Variants in LHX8 observed in about 807,000 individuals in gnomAD.
LHX8 encodes the protein LIM homeobox 8, also known as LIM/homeobox protein Lhx8.
A neutral mutation model predicts 40.3 loss-of-function variants in LHX8; 12 were observed. That is an observed-to-expected ratio of 0.30 (90% CI 0.19 to 0.48). The LOEUF (loss-of-function observed/expected upper bound fraction) is 0.48, where lower values mean the gene tolerates loss of function less well. LHX8 is among the 20% of genes least tolerant of loss of function. LHX8 has a pLI of 0.99. For missense variants in LHX8, 344 were observed against 433.7 expected (o/e 0.79, Z 1.84); for synonymous variants, 179 against 162.0 (o/e 1.10, Z -0.80).
At chr1:75,189,979 A>G in the LHX8 span, among the ~76,000 whole-genome samples, 1 of 152,196 alleles carries the variant, frequency 6.6e-6, no homozygotes, top group Non-Finnish European at 1.5e-5. Context: ...CCTCGTCAAA[A>G]TAAGGATAAA....
In LHX8 at chr1:75,143,288, G is replaced by A. The variant is rs754988725; in HGVS notation, c.530G>A (p.Arg177Lys). 2 of 1,613,766 alleles carry A rather than the reference G, an allele frequency of 1.2e-6. No individual in the cohort carries two copies. Among genetic ancestry groups the A allele is most frequent in the East Asian group, 2.2e-5 (1 of 44,872 alleles). ...FALVEEKVLC[R>K]VHYDCMLDNL... is the part of the protein sequence containing the mutation. ...TTGGTGGAAGAGAAAGTCCTCTGCA[G>A]AGTACATTATGACTGCATGCTGGAT... Residue 177 changes from arginine to lysine, a missense_variant, in exon 5 of 9, where the codon AGA becomes AAA. Physicochemically the swap from Arg to Lys is conservative, Grantham distance 26 (BLOSUM62 2). This residue lies in a region of LHX8 where 147 missense variants were observed against 250.8 expected (regional missense o/e 0.59). Coordinates refer to ENST00000356261, the MANE Select transcript of LHX8 (RefSeq NM_001256114.2).
intron 5 of LHX8, 77 bp from the exon 6 acceptor site, chr1:75,143,768 A>T: frequency 9.1e-7 from 1 of 1,093,732 alleles, no homozygotes; most frequent in Non-Finnish European, 1.4e-6. Context: ...AAGCCAAGAG[A>T]TATAAGAAAC....
At chr1:75,198,079 A>C in the LHX8 span, among the ~76,000 whole-genome samples, 1 of 152,214 alleles carries the variant, frequency 6.6e-6, no homozygotes, top group Non-Finnish European at 1.5e-5. Flanking sequence ...AGCATGAGAC[A>C]GGTGAGCTGA....
chr1:75,130,685 C>G (rs200867886), upstream of LHX8: 44 of 1,611,122 alleles, frequency 2.7e-5, no homozygotes, highest in Admixed American at 4.0e-4. Flanking sequence ...AAGGTGAGCC[C>G]GTATACAGCT....
In LHX8 at chr1:75,146,833, ATTACT is replaced by A. The variant is rs1648471971; in HGVS notation, c.685-1752_685-1748del. Among the ~76,000 whole-genome samples the A allele has an allele frequency of 2.6e-5, 4 of 152,164 alleles. No individual in the cohort carries two copies. The South Asian group carries it at 8.3e-4, about 31-fold the overall frequency. On this transcript the variant is annotated intron_variant, in intron 6 of 8. Transcript: ENST00000356261. ...GTTTTGCTTTACTCTTTAATGAGAA[ATTACT>A]TAACTAAATACAATTTGATTGCAGT... is the stretch of plus-strand genomic sequence containing the variant.
intron 8 of LHX8, chr1:75,160,581 G>A (rs1648890792): frequency 1.8e-6 from 1 of 541,676 alleles, no homozygotes; most frequent in South Asian, 2.1e-5. Context: ...ATGGATGGAG[G>A]ACATTAAAAT....
chr1:75,130,013 A>C (rs1179732370), upstream of LHX8: 1 of 152,514 alleles, frequency 6.6e-6, no homozygotes, highest in African/African-American at 2.4e-5. Context: ...TGATTTGTTT[A>C]TCATTCTAAA....
downstream of LHX8, among the ~76,000 whole-genome samples, chr1:75,165,290 A>G (rs898885465): frequency 1.3e-5 from 2 of 152,228 alleles, no homozygotes; most frequent in Non-Finnish European, 2.9e-5. Context: ...CAATTAACAT[A>G]ATTAGGCCTT....
chr1:75,130,887 TGAG>T, upstream of LHX8: 1 of 774,156 alleles, frequency 1.3e-6, no homozygotes, highest in East Asian at 2.5e-5. Flanking sequence ...TGGTTTTAGC[TGAG>T]ATTTCACCTT....
rs758280689 is a variant in LHX8, at chr1:75,136,662, T to G, written c.48T>G (p.Thr16=). ...GRTTALAAGR[T]RKGAGEEGLV... ...CTACAGCCCTGGCGGCCGGGAGGACTCGCAAAGGCGCCGGGGAAGAGGGAC... is the reference window on the plus strand; with the variant it reads ...CTACAGCCCTGGCGGCCGGGAGGACGCGCAAAGGCGCCGGGGAAGAGGGAC... The change falls in exon 2 of 9, where the codon ACT becomes ACG. Residue 16 remains threonine (T), a synonymous_variant. Coordinates refer to ENST00000356261, the MANE Select transcript of LHX8 (RefSeq NM_001256114.2). 7.8e-6 allele frequency: 12 copies of G among 1,548,132 alleles called. No individual in the cohort carries two copies. In the South Asian group the frequency reaches 1.4e-4, roughly 18 times the overall value.
At chr1:75,160,718 A>G (rs1350105155) in intron 8 of LHX8, 101 bp from the exon 9 acceptor site, 2 of 813,602 alleles carry the variant, frequency 2.5e-6, no homozygotes, top group Non-Finnish European at 4.4e-6. Flanking sequence ...CCTCAGCTAT[A>G]ATGAGTGATG....
the LHX8 span, among the ~76,000 whole-genome samples, chr1:75,190,723 A>G: frequency 6.6e-6 from 1 of 152,208 alleles, no homozygotes; most frequent in Non-Finnish European, 1.5e-5. Context: ...TCTTGTCTAC[A>G]TACATCTGTA....
At chr1:75,130,796 T>C (rs971272467), upstream of LHX8, 2 of 1,509,210 alleles carry the variant, frequency 1.3e-6, no homozygotes, top group Non-Finnish European at 1.8e-6. Flanking sequence ...CTAATATTTA[T>C]AATGGTTACA....
At chr1:75,156,144 T>C (rs1216850631) in intron 7 of LHX8, among the ~76,000 whole-genome samples, 1 of 152,194 alleles carries the variant, frequency 6.6e-6, no homozygotes, top group African/African-American at 2.4e-5. Flanking sequence ...TGTTTTAGTA[T>C]AGAATTGGCT....
intron 3 of LHX8, among the ~76,000 whole-genome samples, chr1:75,138,735 A>G (rs1417374452): frequency 2.0e-5 from 3 of 152,216 alleles, no homozygotes; most frequent in East Asian, 1.9e-4. Context: ...ATGAAGTGAC[A>G]TTTAACACAA....
intron 7 of LHX8, among the ~76,000 whole-genome samples, chr1:75,150,628 C>T (rs1475156880): frequency 6.6e-6 from 1 of 151,352 alleles, no homozygotes; most frequent in Non-Finnish European, 1.5e-5. Flanking sequence ...ACGAGATGGC[C>T]AGCTGTGTCA....
chr1:75,150,796 C>G (rs1007625697), intron 7 of LHX8, among the ~76,000 whole-genome samples: 1 of 151,552 alleles, frequency 6.6e-6, no homozygotes, highest in African/African-American at 2.4e-5. Flanking sequence ...CCTGCCTCAG[C>G]CTTCTGAGTA....
At chr1:75,155,266 G>A (rs1260622722) in intron 7 of LHX8, among the ~76,000 whole-genome samples, 8 of 114,956 alleles carry the variant, frequency 7.0e-5, no homozygotes, top group South Asian at 2.9e-4. Flanking sequence ...ACGGAGTCTC[G>A]CTCTGTCGCC....
chr1:75,140,897 G>A (rs1648293802), intron 3 of LHX8, 88 bp from the exon 4 acceptor site: 1 of 1,279,600 alleles, frequency 7.8e-7, no homozygotes, highest in Non-Finnish European at 1.1e-6. Flanking sequence ...ATATATTAAG[G>A]GGCCAGTTTT....
Sources: gnomAD v4.1 joint callset for allele counts (sites outside exome capture counted in the v4.1 genomes callset) on GRCh38, gnomAD v4.1.1 for gene constraint, gnomAD v4.1.1 regional missense constraint, MANE v1.5 for transcripts, NCBI Gene and HGNC (gene_info 2026-07-23, HGNC 2026-07-21) for gene names.